PHIP: variants seen among roughly 807,000 people sequenced by gnomAD.
PHIP encodes PH-interacting protein.
A neutral mutation model predicts 236.8 loss-of-function variants in PHIP; 54 were observed. The ratio of observed to expected loss-of-function variants is 0.23; its 90% CI spans 0.18 to 0.29. The LOEUF (loss-of-function observed/expected upper bound fraction) is 0.29. Ranked by LOEUF, PHIP falls within the 10% of genes least tolerant of loss-of-function variation. The pLI, the probability that PHIP is intolerant of heterozygous loss-of-function variation, is 1.00. For missense variants in PHIP, 1,370 were observed against 2,190.8 expected (o/e 0.63, Z 7.48); for synonymous variants, 756 against 718.9 (o/e 1.05, Z -0.83).
At chr6:79,027,394 T>C (rs550183181) in intron 7 of PHIP, among the ~76,000 whole-genome samples, 2 of 152,310 alleles carry the variant, frequency 1.3e-5, no homozygotes, top group East Asian at 3.9e-4. Context: ...TCCATATTGT[T>C]GTCTAGTATT....
At chr6:78,953,882 G>A (rs1267645304) in intron 35 of PHIP, among the ~76,000 whole-genome samples, 3 of 151,876 alleles carry the variant, frequency 2.0e-5, no homozygotes, top group East Asian at 1.9e-4. Flanking sequence ...CACCACGCCC[G>A]ACCCCTGAAC....
In PHIP at chr6:79,060,449, T is replaced by C. The variant is rs946571263; in HGVS notation, c.439+29A>G. 5.4e-6 allele frequency: 8 copies of C among 1,485,280 alleles called. No homozygotes were observed. In the East Asian group the frequency reaches 9.1e-5, roughly 17 times the overall value. 92.0% of individuals were successfully genotyped at this position (1,485,280 alleles called of 1,614,324 possible). A position where few individuals can be genotyped will look rare whatever the true frequency, so the allele number is the denominator to read the frequency against. On this transcript the variant is annotated intron_variant, in intron 6 of 39. Transcript: ENST00000275034. Reference sequence around the variant, plus strand: ...TCAAAAGCTCTTTACCAAGAGGCTATTAACTACTAGTGAACTCAAACAACT... The same window carrying C: ...TCAAAAGCTCTTTACCAAGAGGCTACTAACTACTAGTGAACTCAAACAACT...
At chr6:78,942,964 C>A (rs1773578993) in intron 39 of PHIP, among the ~76,000 whole-genome samples, 2 of 152,218 alleles carry the variant, frequency 1.3e-5, no homozygotes, top group South Asian at 2.1e-4. Context: ...TTAAAAACCA[C>A]TGATATTGAA....
intron 24 of PHIP, among the ~76,000 whole-genome samples, chr6:78,977,825 T>C (rs1333201534): frequency 1.3e-5 from 2 of 152,190 alleles, no homozygotes; most frequent in East Asian, 3.9e-4. Flanking sequence ...TTTCAGACTG[T>C]TCTTTAGAAT....
At chr6:79,011,440 G>C (rs1241392581) in intron 15 of PHIP, among the ~76,000 whole-genome samples, 2 of 151,746 alleles carry the variant, frequency 1.3e-5, no homozygotes, top group Non-Finnish European at 1.5e-5. Flanking sequence ...AACCACAAAG[G>C]CTTTCCCAAT....
At position 78,941,304 on chromosome 6, in the gene PHIP, G is replaced by C. The variant is rs778422011; in HGVS notation, c.4855C>G (p.Pro1619Ala). Residue 1619 changes from proline (P) to alanine (A), a missense_variant, in exon 40 of 40, where the codon CCA becomes GCA. Physicochemically the swap from Pro to Ala is conservative, Grantham distance 27. Coordinates refer to ENST00000275034, the MANE Select transcript of PHIP (RefSeq NM_017934.7). Reference sequence around the variant, plus strand: ...TGGCCATTTACTTGAATGGTTCCTGGTACAAGAGCGTTGTTCTTACAATCT... The same window carrying C: ...TGGCCATTTACTTGAATGGTTCCTGCTACAAGAGCGTTGTTCTTACAATCT... The part of the protein sequence containing the change: ...QGDCKNNALV[P>A]GTIQVNGHGG... 1 of 1,613,038 alleles carries C rather than the reference G, an allele frequency of 6.2e-7. No individual in the cohort carries two copies. Among genetic ancestry groups the C allele is most frequent in the Non-Finnish European group, 8.5e-7 (1 of 1,179,300 alleles).
rs988076696 is a variant in PHIP at position 78,945,715 on chromosome 6, T to C, written c.4631-218A>G. ...AGAAGCTGTCCCATCATTTCAAAAT[T>C]TCGAAGGCAAGTCTTGGCAAATTGC... is the stretch of plus-strand genomic sequence containing the variant. On this transcript the variant is annotated intron_variant, in intron 38 of 39. Transcript: ENST00000275034. 4 of 601,214 alleles carry C rather than the reference T, an allele frequency of 6.7e-6. No homozygotes were observed. The African/African-American group carries it at 7.5e-5, about 11-fold the overall frequency. The allele number at this position is 601,214 out of a possible 1,614,324, so 37.2% of individuals were successfully genotyped here.
intron 9 of PHIP, among the ~76,000 whole-genome samples, chr6:79,020,785 C>CTAGA (rs1486768449): frequency 2.0e-5 from 3 of 152,232 alleles, no homozygotes; most frequent in Non-Finnish European, 4.4e-5. Flanking sequence ...GTGGCCCAGG[C>CTAGA]TAGAGTGCAA....
intron 15 of PHIP, among the ~76,000 whole-genome samples, chr6:79,010,467 T>C (rs1770522298): frequency 6.7e-6 from 1 of 150,314 alleles, no homozygotes; most frequent in Admixed American, 6.7e-5. Flanking sequence ...AAAACTTTAA[T>C]CAAATAAAAA....
At position 79,042,964 on chromosome 6, in the gene PHIP, C is replaced by A; in HGVS notation, c.479G>T (p.Arg160Ile). 1 of 1,610,786 alleles carries A rather than the reference C, an allele frequency of 6.2e-7. No individual in the cohort carries two copies. ...LFSRKLNGKY[R>I]LERLVPTAVY... is the part of the protein sequence containing the mutation. ...TGCAGTTGGAACAAGTCGCTCAAGT[C>A]TGTATTTCCCATTCAGCTTCCTTGA... is the stretch of plus-strand genomic sequence containing the variant. Residue 160 changes from arginine to isoleucine, a missense_variant, in exon 7 of 40, where the codon AGA becomes ATA. This residue lies in a region of PHIP where 82 missense variants were observed against 203.2 expected (regional missense o/e 0.40). Transcript: ENST00000275034.
rs748614947 is a variant in PHIP at position 79,002,119 on chromosome 6, T to A, written c.1659A>T (p.Ala553=). The part of the protein sequence containing the change: ...FGSSSKYDKI[A]DQMFFHSDYR... ...AATCACTATGAAAGAACATCTGATC[T>A]GCTATCTGCAAAAAGAAAAGTCCAT... Residue 553 remains alanine (A), a synonymous_variant, in exon 17 of 40, where the codon GCA becomes GCT. Transcript: ENST00000275034. The A allele has an allele frequency of 9.3e-6, 15 of 1,606,122 alleles. No individual in the cohort carries two copies. The highest frequency in any genetic ancestry group is 7.7e-6 in the Non-Finnish European group (9 of 1,173,946).
At chr6:79,061,613 A>G (rs1371017962) in intron 4 of PHIP, among the ~76,000 whole-genome samples, 3 of 152,170 alleles carry the variant, frequency 2.0e-5, no homozygotes, top group Admixed American at 6.5e-5. Flanking sequence ...TGTTACTTAT[A>G]TTAAAATAAG....
intron 27 of PHIP, among the ~76,000 whole-genome samples, chr6:78,968,308 G>A (rs1226064969): frequency 6.6e-6 from 1 of 152,166 alleles, no homozygotes; most frequent in Non-Finnish European, 1.5e-5. Flanking sequence ...GTAAGTATCA[G>A]AGTTGATTCT....
chr6:79,073,506 G>C (rs1326954870), intron 4 of PHIP, among the ~76,000 whole-genome samples: 1 of 151,778 alleles, frequency 6.6e-6, no homozygotes, highest in Non-Finnish European at 1.5e-5. Flanking sequence ...ATCAAGTGTT[G>C]AAACTATGTT....
At chr6:78,963,061 C>A in intron 30 of PHIP, 36 bp downstream of exon 30, 1 of 1,530,004 alleles carries the variant, frequency 6.5e-7, no homozygotes. Flanking sequence ...TTGTGTTCTG[C>A]CAGTTTTTTC....
At chr6:79,026,632 T>C (rs916221170) in intron 7 of PHIP, among the ~76,000 whole-genome samples, 21 of 152,052 alleles carry the variant, frequency 1.4e-4, no homozygotes, top group African/African-American at 4.6e-4. Context: ...AACATGACAT[T>C]ATCTAAAGCC....
At chr6:79,063,177 T>G (rs1027622142) in intron 4 of PHIP, among the ~76,000 whole-genome samples, 1 of 152,204 alleles carries the variant, frequency 6.6e-6, no homozygotes, top group African/African-American at 2.4e-5. Context: ...GTCTGTGTCC[T>G]GCATAAGGAG....
intron 15 of PHIP, among the ~76,000 whole-genome samples, chr6:79,014,380 T>C (rs1414888703): frequency 6.6e-6 from 1 of 151,766 alleles, no homozygotes; most frequent in Non-Finnish European, 1.5e-5. Context: ...GCTGAAATAG[T>C]GGAAACTGTT....
intron 32 of PHIP, 28 bp downstream of exon 32, chr6:78,958,447 C>T (rs201252457): frequency 3.9e-6 from 5 of 1,270,534 alleles, no homozygotes; most frequent in Non-Finnish European, 4.6e-6. Flanking sequence ...TTAAAACTAT[C>T]ATAATTACAT....
Sources: gnomAD v4.1 joint callset for allele counts (sites outside exome capture counted in the v4.1 genomes callset) on GRCh38, gnomAD v4.1.1 for gene constraint, gnomAD v4.1.1 regional missense constraint, MANE v1.5 for transcripts, NCBI Gene and HGNC (gene_info 2026-07-23, HGNC 2026-07-21) for gene names.